The following THRAP3 variants were observed in gnomAD, a reference collection of about 807,000 sequenced individuals.
THRAP3 encodes the protein thyroid hormone receptor associated protein 3.
A neutral mutation model predicts 101.0 loss-of-function variants in THRAP3; 16 were observed. The ratio of observed to expected loss-of-function variants is 0.16; its 90% CI spans 0.11 to 0.24. The LOEUF is 0.24. THRAP3 is among the 10% of genes least tolerant of loss of function. The pLI is 1.00. For missense variants in THRAP3, 989 were observed against 1,202.7 expected, an observed-to-expected ratio of 0.82 and a Z score of 2.63; for synonymous variants, 407 against 422.6, an observed-to-expected ratio of 0.96 and a Z score of 0.45.
the THRAP3 span, among the ~76,000 whole-genome samples, chr1:36,213,644 G>A: frequency 2.4e-3 from 367 of 151,880 alleles, 1 homozygote; most frequent in African/African-American, 7.8e-3. Flanking sequence ...TCAGGAGTTC[G>A]AGACCAGTCT....
At chr1:36,302,634 C>T (rs1646043580) in intron 11 of THRAP3, among the ~76,000 whole-genome samples, 1 of 152,190 alleles carries the variant, frequency 6.6e-6, no homozygotes, top group Admixed American at 6.5e-5. Context: ...TCAGAAGAAG[C>T]TGACACCTGC....
At chr1:36,226,156 A>C (rs140254562) in intron 1 of THRAP3, among the ~76,000 whole-genome samples, 1 of 152,150 alleles carries the variant, frequency 6.6e-6, no homozygotes, top group African/African-American at 2.4e-5. Context: ...AGAGTGATCT[A>C]TTTTGTTCCG....
intron 3 of THRAP3, among the ~76,000 whole-genome samples, chr1:36,283,547 A>G (rs4652904): frequency 0.8 from 121,512 of 152,130 alleles, 50,097 homozygotes; most frequent in East Asian, 0.94. Context: ...ATCTTTGTAC[A>G]TTTTCATTCT....
Position 36,286,799 on chromosome 1 carries a change from C to A in THRAP3, c.569C>A (p.Ser190Tyr). The A allele has an allele frequency of 6.2e-7, 1 of 1,614,238 alleles. No homozygotes were observed. The highest frequency in any genetic ancestry group is 8.5e-7 in the Non-Finnish European group (1 of 1,180,046). ...KKSSSKDSRP[S>Y]QAAGDNQGDE... ...TCCTCTTCTAAGGATAGCCGGCCAT[C>A]TCAGGCTGCCGGGGATAACCAGGGA... The change falls in exon 4 of 12, where the codon TCT (serine) becomes TAT (tyrosine). Residue 190 changes from serine (S) to tyrosine (Y), a missense_variant. Coordinates refer to ENST00000354618, the MANE Select transcript of THRAP3 (RefSeq NM_005119.4). The surrounding 1 kb of genome is among the most constrained non-coding windows in gnomAD (Gnocchi z 5.5).
intron 1 of THRAP3, among the ~76,000 whole-genome samples, chr1:36,229,412 G>GTTTTTTTTTTTGT (rs1453155517): frequency 4.9e-5 from 4 of 80,954 alleles, no homozygotes; most frequent in Admixed American, 1.0e-4. Context: ...TTTTTTTTTT[G>GTTTTTTTTTTTGT]TTTTTTTTTT....
Position 36,245,032 on chromosome 1 carries a change from A to G in THRAP3, c.-134-14350A>G, listed in dbSNP as rs568870129. ...ACCACGCCTGGCCAGAGCCAGGTTA[A>G]CTACTAAGTCTTCCTCCTGAAAACC... On this transcript the variant is annotated intron_variant, in intron 1 of 11. Transcript: ENST00000354618. Among the ~76,000 whole-genome samples, 19 of 151,714 alleles carry G rather than the reference A, an allele frequency of 1.3e-4. 1 individual carries two copies. The South Asian group carries it at 4.0e-3, about 32-fold the overall frequency.
intron 1 of THRAP3, among the ~76,000 whole-genome samples, chr1:36,241,385 G>GTGTA (rs1428746725): frequency 2.3e-4 from 2 of 8,654 alleles, no homozygotes; most frequent in African/African-American, 3.0e-4. Context: ...GATAATGGGT[G>GTGTA]TATATATATA....
At chr1:36,298,828 G>C (rs1302775983) in intron 9 of THRAP3, among the ~76,000 whole-genome samples, 1 of 149,126 alleles carries the variant, frequency 6.7e-6, no homozygotes, top group Non-Finnish European at 1.5e-5. Context: ...GGGTCTTGCT[G>C]TGTCGCCCAG....
At position 36,292,642 on chromosome 1, in the gene THRAP3, A is replaced by T. The variant is rs199742919; in HGVS notation, c.1963A>T (p.Thr655Ser). The T allele has an allele frequency of 6.2e-7, 1 of 1,613,824 alleles. No homozygotes were observed. Among genetic ancestry groups the T allele is most frequent in the Non-Finnish European group, 8.5e-7 (1 of 1,179,900 alleles). ...SSGMTLHERFTKYLKRGTEQE... is the reference protein window; with the variant it reads ...SSGMTLHERFSKYLKRGTEQE... ...AGGAATGACATTACATGAACGCTTT[A>T]CTAAATACCTAAAGAGAGGAACTGA... The change falls in exon 7 of 12, where the codon ACT becomes TCT. Residue 655 changes from threonine (T) to serine (S), a missense_variant. Thr to Ser is a moderately conservative substitution (Grantham distance 58). Coordinates refer to ENST00000354618, the MANE Select transcript of THRAP3 (RefSeq NM_005119.4).
At chr1:36,223,790 G>A (rs1406228451), upstream of THRAP3, among the ~76,000 whole-genome samples, 2 of 152,128 alleles carry the variant, frequency 1.3e-5, no homozygotes, top group African/African-American at 4.8e-5. Context: ...AGGCAGGCTG[G>A]GGAGAGGCGG....
intron 1 of THRAP3, among the ~76,000 whole-genome samples, chr1:36,253,781 G>GTTTTTTTTTTTTTTTTTTTTTTTTT (rs1353553825): frequency 3.4e-3 from 120 of 35,086 alleles, no homozygotes; most frequent in East Asian, 9.7e-3. Context: ...TTTTTTTTTA[G>GTTTTTTTTTTTTTTTTTTTTTTTTT]TTTTTGTAGA....
At chr1:36,269,342 A>G (rs886445006) in intron 2 of THRAP3, among the ~76,000 whole-genome samples, 2 of 151,656 alleles carry the variant, frequency 1.3e-5, no homozygotes, top group Non-Finnish European at 2.9e-5. Context: ...GTTGCTAATG[A>G]AAAAAAGTAG....
At position 36,284,684 on chromosome 1, in the gene THRAP3, A is replaced by G. The variant is rs561911437; in HGVS notation, c.138-1684A>G. On this transcript the variant is annotated intron_variant, in intron 3 of 11. Coordinates refer to ENST00000354618, the MANE Select transcript of THRAP3 (RefSeq NM_005119.4). ...AATCTGCAGAGACTCATTTTCCTGCATCTGTGCAATGACTGTGAGTTTTGG... is the reference window on the plus strand; with the variant it reads ...AATCTGCAGAGACTCATTTTCCTGCGTCTGTGCAATGACTGTGAGTTTTGG... Among the ~76,000 whole-genome samples, 5 of 152,342 alleles carry G rather than the reference A, an allele frequency of 3.3e-5. No homozygotes were observed. In the East Asian group the frequency reaches 7.7e-4, roughly 23 times the overall value.
intron 1 of THRAP3, among the ~76,000 whole-genome samples, chr1:36,258,269 A>G (rs1645401442): frequency 6.6e-6 from 1 of 152,268 alleles, no homozygotes; most frequent in African/African-American, 2.4e-5. Context: ...CTCTGGAGTG[A>G]GGAATCAGGG....
intron 1 of THRAP3, among the ~76,000 whole-genome samples, chr1:36,246,843 A>G (rs1404717110): frequency 6.6e-6 from 1 of 150,382 alleles, no homozygotes; most frequent in Non-Finnish European, 1.5e-5. Context: ...CTCTGTCTCA[A>G]ATAAATAAAT....
chr1:36,270,089 T>C (rs1033509490), intron 2 of THRAP3, among the ~76,000 whole-genome samples: 1 of 152,094 alleles, frequency 6.6e-6, no homozygotes, highest in Non-Finnish European at 1.5e-5. Context: ...AATCAATACT[T>C]CTATAATAAA....
intron 7 of THRAP3, among the ~76,000 whole-genome samples, 163 bp from the exon 8 acceptor site, chr1:36,293,688 G>T (rs1328991660): frequency 1.4e-5 from 2 of 142,780 alleles, no homozygotes; most frequent in Middle Eastern, 3.7e-3. Flanking sequence ...GTCTGCCTAT[G>T]GGAGAGTATA....
At chr1:36,270,334 C>T (rs1488106784) in intron 2 of THRAP3, among the ~76,000 whole-genome samples, 2 of 152,090 alleles carry the variant, frequency 1.3e-5, no homozygotes, top group East Asian at 3.9e-4. Context: ...GTTGAGGCTG[C>T]AGTGAGCTAT....
chr1:36,234,334 C>T (rs553244812), intron 1 of THRAP3, among the ~76,000 whole-genome samples: 4 of 152,258 alleles, frequency 2.6e-5, no homozygotes, highest in African/African-American at 9.6e-5. Flanking sequence ...TTGTGAAAGC[C>T]CTGGTGGGGC....
Sources: allele counts gnomAD v4.1 joint callset (sites outside exome capture counted in the v4.1 genomes callset), GRCh38; gene constraint gnomAD v4.1.1; non-coding constraint Gnocchi (gnomAD v3.1); transcripts MANE v1.5; gene names NCBI Gene and HGNC (gene_info 2026-07-23, HGNC 2026-07-21).